Variants in PCDH15 observed in about 807,000 individuals in gnomAD.
The protein encoded by PCDH15 is protocadherin related 15.
PCDH15 carries 129 observed loss-of-function variants against 178.5 expected under a neutral mutation model. That is an observed-to-expected ratio of 0.72 (90% CI 0.63 to 0.84). The LOEUF is 0.84. Ranked by LOEUF, PCDH15 falls within the 40% of genes least tolerant of loss-of-function variation. The pLI, the probability that PCDH15 is intolerant of heterozygous loss-of-function variation, is 0.00. For synonymous variants in PCDH15, 800 were observed against 732.0 expected (o/e 1.09, Z -1.50); for missense variants, 2,230 against 2,099.9 (o/e 1.06, Z -1.21).
At chr10:53,940,635 ATACTTAATATTTCTTAAGG>A (rs1228126269) in intron 24 of PCDH15, among the ~76,000 whole-genome samples, 1 of 152,186 alleles carries the variant, frequency 6.6e-6, no homozygotes, top group East Asian at 1.9e-4. Context: ...CATTAATTAG[ATACTTAATATTTCTTAAGG>A]TACTTAATAT....
intron 2 of PCDH15, among the ~76,000 whole-genome samples, chr10:54,928,240 A>G (rs1591789261): frequency 1.3e-5 from 2 of 152,210 alleles, no homozygotes; most frequent in Admixed American, 1.3e-4. Context: ...ATTTCTTTTC[A>G]TTTAGAATGT....
intron 1 of PCDH15, among the ~76,000 whole-genome samples, chr10:54,693,103 G>T (rs1338316237): frequency 2.0e-5 from 3 of 151,794 alleles, no homozygotes; most frequent in African/African-American, 4.8e-5. Flanking sequence ...TCATTGTAGA[G>T]TAACTCCCAC....
intron 2 of PCDH15, among the ~76,000 whole-genome samples, chr10:55,358,748 C>A (rs974222678): frequency 1.3e-5 from 2 of 150,442 alleles, no homozygotes; most frequent in African/African-American, 5.0e-5. Context: ...CCACTGACAC[C>A]GCAACTACAT....
chr10:54,205,047 T>C (rs1380882592), intron 10 of PCDH15, among the ~76,000 whole-genome samples: 1 of 152,198 alleles, frequency 6.6e-6, no homozygotes, highest in Admixed American at 6.5e-5. Flanking sequence ...GTAATTTTAA[T>C]ATATGACTTG....
chr10:53,808,328 G>GTATA (rs780455021), intron 37 of PCDH15: 542 of 322,834 alleles, frequency 1.7e-3, no homozygotes, highest in Admixed American at 6.6e-3. Flanking sequence ...TAGTGTGTGT[G>GTATA]TGTATATATA....
At chr10:54,172,040 A>C (rs1363594684) in intron 13 of PCDH15, among the ~76,000 whole-genome samples, 5 of 151,952 alleles carry the variant, frequency 3.3e-5, no homozygotes, top group Non-Finnish European at 1.5e-5. Context: ...TTTCTTATTA[A>C]TATAAGAAGC....
intron 2 of PCDH15, among the ~76,000 whole-genome samples, chr10:54,980,355 ACT>A (rs1414773364): frequency 1.3e-5 from 2 of 152,016 alleles, no homozygotes; most frequent in Non-Finnish European, 2.9e-5. Context: ...GAGAGTAAAT[ACT>A]CTTTTTTTAA....
intron 2 of PCDH15, among the ~76,000 whole-genome samples, chr10:55,010,580 G>A (rs1840025670): frequency 6.6e-6 from 1 of 152,086 alleles, no homozygotes; most frequent in Non-Finnish European, 1.5e-5. Context: ...TGTCATTCAG[G>A]CTGAGGTGGC....
chr10:54,788,061 G>T (rs1951058057), intron 1 of PCDH15, among the ~76,000 whole-genome samples: 1 of 151,702 alleles, frequency 6.6e-6, no homozygotes, highest in South Asian at 2.1e-4. Flanking sequence ...AAAATAGGAA[G>T]GGTGACCATC....
chr10:55,268,448 T>C (rs1310028746), intron 1 of PCDH15, among the ~76,000 whole-genome samples: 1 of 152,180 alleles, frequency 6.6e-6, no homozygotes, highest in Non-Finnish European at 1.5e-5. Context: ...TTTCAGTAAA[T>C]TGCCATCTTA....
intron 2 of PCDH15, among the ~76,000 whole-genome samples, chr10:55,388,328 T>C (rs560323101): frequency 2.0e-5 from 3 of 152,082 alleles, no homozygotes. Context: ...GAGCTGATCC[T>C]TCTCTGATGG....
chr10:55,427,746 A>C (rs1838791532), intron 2 of PCDH15, among the ~76,000 whole-genome samples: 1 of 152,186 alleles, frequency 6.6e-6, no homozygotes, highest in Admixed American at 6.5e-5. Flanking sequence ...TATTCTGTCC[A>C]AATTCATGTA....
chr10:55,312,623 T>G (rs1214241060), intron 1 of PCDH15, among the ~76,000 whole-genome samples: 1 of 115,898 alleles, frequency 8.6e-6, no homozygotes, highest in East Asian at 2.4e-4. Flanking sequence ...GTAATAGAGT[T>G]TTTTTTTTTT....
Position 54,242,157 on chromosome 10 carries a change from T to C in PCDH15, c.877-5226A>G, listed in dbSNP as rs1205352768. ...ATATATATATATATATATATATATA[T>C]ATATATATATATATATATATATATA... On this transcript the variant is annotated intron_variant, in intron 8 of 37. Coordinates refer to ENST00000644397, the MANE Select transcript of PCDH15 (RefSeq NM_001384140.1). 2.5e-4 allele frequency among the ~76,000 whole-genome samples: 25 copies of C among 100,060 alleles called. 1 individual carries two copies. Among genetic ancestry groups the C allele is most frequent in the African/African-American group, 1.0e-3 (24 of 23,732 alleles). The allele number at this position is 100,060 out of a possible 152,430, so 65.6% of individuals were successfully genotyped here.
intron 2 of PCDH15, among the ~76,000 whole-genome samples, chr10:54,989,052 C>T (rs1220010278): frequency 6.6e-6 from 1 of 152,202 alleles, no homozygotes; most frequent in Non-Finnish European, 1.5e-5. Flanking sequence ...AAGTGGCCAA[C>T]ATAGAGCTTG....
At chr10:55,003,368 C>A (rs1038438024) in intron 2 of PCDH15, among the ~76,000 whole-genome samples, 1 of 151,396 alleles carries the variant, frequency 6.6e-6, no homozygotes, top group Non-Finnish European at 1.5e-5. Flanking sequence ...AGATTGCTAA[C>A]CCAACATGAG....
chr10:55,570,545 AGT>A (rs1332928957), intron 2 of PCDH15, among the ~76,000 whole-genome samples: 3 of 152,022 alleles, frequency 2.0e-5, no homozygotes, highest in Non-Finnish European at 4.4e-5. Flanking sequence ...CTGAAATTAC[AGT>A]GTCAGTCAAT....
intron 1 of PCDH15, among the ~76,000 whole-genome samples, chr10:55,231,415 A>G (rs1182654535): frequency 6.6e-6 from 1 of 152,026 alleles, no homozygotes; most frequent in Non-Finnish European, 1.5e-5. Flanking sequence ...TATTCAAAGT[A>G]ACAGGAGTTG....
At chr10:54,453,795 G>A (rs1425164788) in intron 3 of PCDH15, among the ~76,000 whole-genome samples, 1 of 151,964 alleles carries the variant, frequency 6.6e-6, no homozygotes, top group Non-Finnish European at 1.5e-5. Context: ...ATTTCTGAGA[G>A]CCCTCAGAAT....
Sources: allele counts gnomAD v4.1 joint callset (sites outside exome capture counted in the v4.1 genomes callset), GRCh38; gene constraint gnomAD v4.1.1; transcripts MANE v1.5; gene names NCBI Gene and HGNC (gene_info 2026-07-23, HGNC 2026-07-21).